Variants in CLASP2 observed in about 807,000 individuals in gnomAD.
The protein encoded by CLASP2 is cytoplasmic linker associated protein 2.
CLASP2 carries 47 observed loss-of-function variants against 194.4 expected under a neutral mutation model. That is an observed-to-expected ratio of 0.24 (90% CI 0.19 to 0.31). CLASP2 has a LOEUF of 0.31. Ranked by LOEUF, CLASP2 falls within the 10% of genes least tolerant of loss-of-function variation. The pLI, the probability that CLASP2 is intolerant of heterozygous loss-of-function variation, is 1.00. For synonymous variants in CLASP2, 619 were observed against 633.5 expected, an observed-to-expected ratio of 0.98 and a Z score of 0.34; for missense variants, 1,445 against 1,823.6, an observed-to-expected ratio of 0.79 and a Z score of 3.78.
At chr3:33,712,749 G>A (rs2093077337) in intron 1 of CLASP2, among the ~76,000 whole-genome samples, 1 of 151,988 alleles carries the variant, frequency 6.6e-6, no homozygotes, top group African/African-American at 2.4e-5. Context: ...GATCATCTGA[G>A]GTCAGGAGTT....
At chr3:33,605,130 C>T (rs571597975) in intron 16 of CLASP2, among the ~76,000 whole-genome samples, 1 of 152,152 alleles carries the variant, frequency 6.6e-6, no homozygotes, top group African/African-American at 2.4e-5. Context: ...CCTTTGTACT[C>T]AAAATATGGT....
chr3:33,576,221 A>G lies in CLASP2; in HGVS notation c.2402T>C (p.Met801Thr). Residue 801 changes from methionine to threonine, a missense_variant, in exon 24 of 39, where the codon ATG (methionine) becomes ACG (threonine). Around this residue, in one of 4 missense-constraint regions of CLASP2, gnomAD observed 732 missense variants for 987.9 expected, o/e 0.74. Transcript: ENST00000682230. ...ATCAGAACCTGTGTTCAGGACTCGC[A>G]TGGCACTAACAGAAGACGACAGTCG... ...SSRLSSSVSAMRVLNTGSDVE... is the reference protein window; with the variant it reads ...SSRLSSSVSATRVLNTGSDVE... 6.2e-7 allele frequency: 1 copy of G among 1,613,938 alleles called. No homozygotes were observed. Among genetic ancestry groups the G allele is most frequent in the Non-Finnish European group, 8.5e-7 (1 of 1,179,812 alleles).
At chr3:33,626,203 A>G (rs755321780) in intron 10 of CLASP2, among the ~76,000 whole-genome samples, 3 of 152,090 alleles carry the variant, frequency 2.0e-5, no homozygotes, top group East Asian at 1.9e-4. Context: ...CATAAAAGCC[A>G]TATTTGTCAA....
chr3:33,673,320 G>T (rs2087769103), intron 6 of CLASP2, among the ~76,000 whole-genome samples: 1 of 152,118 alleles, frequency 6.6e-6, no homozygotes, highest in African/African-American at 2.4e-5. Flanking sequence ...TTTCAACCCA[G>T]AATTTCATAT....
chr3:33,622,645 A>G (rs972880134), intron 10 of CLASP2, among the ~76,000 whole-genome samples: 1 of 152,190 alleles, frequency 6.6e-6, no homozygotes, highest in East Asian at 1.9e-4. Context: ...TAAAATACAA[A>G]TGAACAAAAT....
intron 6 of CLASP2, among the ~76,000 whole-genome samples, chr3:33,679,485 A>G (rs1427549316): frequency 2.0e-5 from 3 of 152,206 alleles, no homozygotes; most frequent in Non-Finnish European, 4.4e-5. Flanking sequence ...CAAAAGACAC[A>G]TCTGTTAAAG....
chr3:33,571,528 G>A (rs973835476), intron 25 of CLASP2, among the ~76,000 whole-genome samples: 4 of 151,680 alleles, frequency 2.6e-5, no homozygotes, highest in Admixed American at 6.6e-5. Flanking sequence ...CCAGCTACTC[G>A]GGAGGCTGAG....
At chr3:33,632,445 TA>T in intron 8 of CLASP2, 74 bp from the exon 9 acceptor site, 1 of 1,045,948 alleles carries the variant, frequency 9.6e-7, no homozygotes, top group Non-Finnish European at 1.4e-6. Flanking sequence ...ACATGAAAAA[TA>T]AAACTCTTTT....
intron 34 of CLASP2, among the ~76,000 whole-genome samples, chr3:33,534,783 C>G (rs1417825780): frequency 6.6e-6 from 1 of 152,122 alleles, no homozygotes; most frequent in Admixed American, 6.6e-5. Flanking sequence ...CACCCAAATT[C>G]AAATCCTAAT....
intron 33 of CLASP2, 59 bp from the exon 34 acceptor site, chr3:33,535,520 C>A: frequency 7.5e-7 from 1 of 1,325,380 alleles, no homozygotes; most frequent in Non-Finnish European, 1.1e-6. Flanking sequence ...ATCTATTTAA[C>A]ATTCTAAAAA....
Position 33,708,550 on chromosome 3 carries a change from A to ATG in CLASP2, c.195+9257_195+9258insCA, listed in dbSNP as rs1559704031. 7.6e-5 allele frequency among the ~76,000 whole-genome samples: 11 copies of ATG among 143,940 alleles called. 1 individual carries two copies. Among genetic ancestry groups the ATG allele is most frequent in the Admixed American group, 6.9e-4 (10 of 14,426 alleles). 94.4% of individuals were successfully genotyped at this position (143,940 alleles called of 152,430 possible). A position where few individuals can be genotyped will look rare whatever the true frequency, so the allele number is the denominator to read the frequency against. ...TATATATATATGTATATATGTATATATATATATATATACATACACACACAC... is the reference window on the plus strand; with the variant it reads ...TATATATATATGTATATATGTATATATGTATATATATATACATACACACACAC... On this transcript the variant is annotated intron_variant, in intron 1 of 38. Transcript: ENST00000682230.
intron 33 of CLASP2, among the ~76,000 whole-genome samples, 177 bp from the exon 34 acceptor site, chr3:33,535,638 G>A (rs1011863220): frequency 7.9e-5 from 12 of 152,046 alleles, no homozygotes; most frequent in Non-Finnish European, 1.5e-4. Context: ...TATTCCAGAC[G>A]TCAAAGCTTA....
intron 34 of CLASP2, among the ~76,000 whole-genome samples, chr3:33,529,648 G>T: frequency 6.6e-6 from 1 of 152,160 alleles, no homozygotes; most frequent in Non-Finnish European, 1.5e-5. Flanking sequence ...ACAGGGTCAA[G>T]ATCAACTTCA....
At chr3:33,522,886 C>T (rs185561942) in intron 34 of CLASP2, among the ~76,000 whole-genome samples, 435 of 152,168 alleles carry the variant, frequency 2.9e-3, no homozygotes, top group African/African-American at 9.4e-3. Context: ...CTGGCTAACA[C>T]GGTGAAACCC....
At chr3:33,577,363 T>TTAAC in intron 23 of CLASP2, 1 of 897,744 alleles carries the variant, frequency 1.1e-6, no homozygotes, top group Non-Finnish European at 1.7e-6. Context: ...AACACTGGTG[T>TTAAC]TATTCTTTAT....
Position 33,606,584 on chromosome 3 carries a change from A to T in CLASP2, c.1694+7T>A, listed in dbSNP as rs989506723. 10 of 1,608,972 alleles carry T rather than the reference A, an allele frequency of 6.2e-6. No individual in the cohort carries two copies. Among genetic ancestry groups the T allele is most frequent in the Middle Eastern group, 1.7e-4 (1 of 6,034 alleles). On this transcript the variant is annotated splice_region_variant and intron_variant, in intron 16 of 38. Coordinates refer to ENST00000682230, the MANE Select transcript of CLASP2 (RefSeq NM_001365631.1). ...GAGACTAGTAATCATTATTTATATG[A>T]CCTTACTTGAGACTTTCCTGTGAGC...
At chr3:33,516,938 A>C (rs760055712) in intron 35 of CLASP2, 43 bp downstream of exon 35, 1 of 1,508,206 alleles carries the variant, frequency 6.6e-7, no homozygotes, top group East Asian at 2.3e-5. Flanking sequence ...AATGTAAAAG[A>C]GACAGGAAGG....
intron 9 of CLASP2, among the ~76,000 whole-genome samples, chr3:33,630,502 C>T (rs188757998): frequency 6.9e-4 from 105 of 151,944 alleles, no homozygotes; most frequent in African/African-American, 2.4e-3. Flanking sequence ...AACTTATTAT[C>T]AATTACTATG....
intron 29 of CLASP2, among the ~76,000 whole-genome samples, chr3:33,556,421 A>G (rs962415905): frequency 1.3e-5 from 2 of 151,874 alleles, no homozygotes; most frequent in Non-Finnish European, 2.9e-5. Context: ...AAGAGTTGAA[A>G]AGTGATTTTC....
Sources: gnomAD v4.1 joint callset for allele counts (sites outside exome capture counted in the v4.1 genomes callset) on GRCh38, gnomAD v4.1.1 for gene constraint, gnomAD v4.1.1 regional missense constraint, MANE v1.5 for transcripts, NCBI Gene and HGNC (gene_info 2026-07-23, HGNC 2026-07-21) for gene names.